Variants in LAPTM4B observed in about 807,000 individuals in gnomAD.
The protein encoded by LAPTM4B is lysosomal-associated transmembrane protein 4B.
A neutral mutation model predicts 28.5 loss-of-function variants in LAPTM4B; 26 were observed. The observed-to-expected ratio is 0.91, with a 90% CI of 0.67 to 1.27. The LOEUF (loss-of-function observed/expected upper bound fraction) is 1.27, where lower values mean the gene tolerates loss of function less well. Ranked by LOEUF, LAPTM4B falls within the 50% of genes most tolerant of loss-of-function variation. LAPTM4B has a pLI of 0.00. For synonymous variants in LAPTM4B, 109 were observed against 106.4 expected (o/e 1.02, Z -0.15); for missense variants, 288 against 285.8 (o/e 1.01, Z -0.06).
chr8:97,777,174 T>C (rs957424114), intron 1 of LAPTM4B, among the ~76,000 whole-genome samples: 48 of 118,230 alleles, frequency 4.1e-4, no homozygotes, highest in Non-Finnish European at 6.5e-4. Flanking sequence ...TGAGACAGAG[T>C]CTCACTCTGT....
At chr8:97,836,994 A>C (rs1455585028) in intron 6 of LAPTM4B, among the ~76,000 whole-genome samples, 1 of 152,066 alleles carries the variant, frequency 6.6e-6, no homozygotes, top group African/African-American at 2.4e-5. Context: ...GGCAAAGGCC[A>C]GATTATCTTC....
chr8:97,836,816 T>C (rs1371850317), intron 6 of LAPTM4B, among the ~76,000 whole-genome samples: 2 of 152,148 alleles, frequency 1.3e-5, no homozygotes, highest in Non-Finnish European at 2.9e-5. Flanking sequence ...TGCAAACTTA[T>C]TGTTTTAACT....
At chr8:97,816,922 A>ATT (rs1816926102) in intron 4 of LAPTM4B, among the ~76,000 whole-genome samples, 4 of 142,128 alleles carry the variant, frequency 2.8e-5, no homozygotes, top group African/African-American at 1.0e-4. Flanking sequence ...CCTGGGCAAT[A>ATT]GAGTGAGATC....
At chr8:97,847,857 A>G (rs1268359127) in intron 6 of LAPTM4B, among the ~76,000 whole-genome samples, 1 of 152,232 alleles carries the variant, frequency 6.6e-6, no homozygotes, top group Non-Finnish European at 1.5e-5. Flanking sequence ...AAAAGTGAAA[A>G]CAAGGGAGGG....
At chr8:97,801,124 C>G (rs974309595) in intron 1 of LAPTM4B, among the ~76,000 whole-genome samples, 46 of 151,922 alleles carry the variant, frequency 3.0e-4, no homozygotes, top group African/African-American at 1.1e-3. Context: ...CTTTAAAACC[C>G]TACCCTGTTA....
At chr8:97,787,663 T>G (rs1434388653) in intron 1 of LAPTM4B, among the ~76,000 whole-genome samples, 1 of 152,186 alleles carries the variant, frequency 6.6e-6, no homozygotes, top group East Asian at 1.9e-4. Flanking sequence ...AGAATACAAG[T>G]CCTTTAACTC....
Position 97,798,875 on chromosome 8 carries a change from A to G in LAPTM4B, c.100-6478A>G, listed in dbSNP as rs1816630414. 2.0e-5 allele frequency among the ~76,000 whole-genome samples: 3 copies of G among 152,350 alleles called. No individual in the cohort carries two copies. The South Asian group carries it at 6.2e-4, about 32-fold the overall frequency. On this transcript the variant is annotated intron_variant, in intron 1 of 6. Coordinates refer to ENST00000521545, the MANE Select transcript of LAPTM4B (RefSeq NM_018407.6). ...TAGAGGCCAGATGGATAAGCTAAAA[A>G]TAGGATTATCTGGACATCCTGCAGT...
At chr8:97,830,407 C>T (rs977352849) in intron 6 of LAPTM4B, among the ~76,000 whole-genome samples, 3 of 151,996 alleles carry the variant, frequency 2.0e-5, no homozygotes, top group East Asian at 1.9e-4. Context: ...ATGTCAGTTA[C>T]AATGGTCCAG....
chr8:97,787,992 C>T (rs1816433890), intron 1 of LAPTM4B, among the ~76,000 whole-genome samples: 1 of 152,066 alleles, frequency 6.6e-6, no homozygotes, highest in Non-Finnish European at 1.5e-5. Context: ...TGCCAACATG[C>T]CCAGCTAATT....
chr8:97,839,519 G>A (rs541628955), intron 6 of LAPTM4B, among the ~76,000 whole-genome samples: 4 of 152,050 alleles, frequency 2.6e-5, no homozygotes, highest in Non-Finnish European at 4.4e-5. Context: ...TAAATGTCCC[G>A]GTCTGCTGGA....
At chr8:97,788,787 C>T (rs930215861) in intron 1 of LAPTM4B, among the ~76,000 whole-genome samples, 3 of 151,796 alleles carry the variant, frequency 2.0e-5, no homozygotes, top group African/African-American at 4.8e-5. Context: ...CTCCACCTCC[C>T]GGGTTCAAGC....
rs776687962 is a variant in LAPTM4B, at chr8:97,775,937, C to CGGCAGGCTCCAGGCGA, written c.-70_-69insAGGCTCCAGGCGAGGC. 3 of 1,451,612 alleles carry CGGCAGGCTCCAGGCGA rather than the reference C, an allele frequency of 2.1e-6. No individual in the cohort carries two copies. The African/African-American group carries it at 4.4e-5, about 21-fold the overall frequency. 89.9% of individuals were successfully genotyped at this position (1,451,612 alleles called of 1,614,324 possible). On this transcript the variant is annotated 5_prime_UTR_variant, in exon 1 of 7. Coordinates refer to ENST00000521545, the MANE Select transcript of LAPTM4B (RefSeq NM_018407.6). ...GGCGGAGGAGCCGGCAGCAGCGGCG[C>CGGCAGGCTCCAGGCGA]GGCGGGCTCCAGGCGAGGCGGTCGA...
At chr8:97,824,703 G>A (rs1006018880) in intron 5 of LAPTM4B, among the ~76,000 whole-genome samples, 1 of 152,122 alleles carries the variant, frequency 6.6e-6, no homozygotes, top group Non-Finnish European at 1.5e-5. Context: ...TAATACATTC[G>A]ATTGTTCTGT....
intron 2 of LAPTM4B, among the ~76,000 whole-genome samples, chr8:97,807,634 C>T (rs12542574): frequency 0.45 from 68,580 of 151,830 alleles, 15,951 homozygotes; most frequent in East Asian, 0.57. Flanking sequence ...ACTGAGATTA[C>T]AGATTTGAGG....
intron 5 of LAPTM4B, among the ~76,000 whole-genome samples, chr8:97,823,358 T>TG (rs1294755792): frequency 2.4e-3 from 92 of 37,604 alleles, no homozygotes; most frequent in African/African-American, 5.7e-3. Context: ...TTTTTTTTGT[T>TG]TTTTTTTTGT....
rs762862910 is a variant in LAPTM4B at position 97,819,220 on chromosome 8, C to T, written c.489C>T (p.Ser163=). ...CLVLIILLFI[S]IILTFKGYLI... is the part of the protein sequence containing the mutation. The stretch of plus-strand genomic sequence containing the variant: ...TCCTTATTATTCTTCTGTTTATTAG[C>T]ATTATCTTGACTTTTAAGGTAAGCA... Residue 163 remains serine, a synonymous_variant, in exon 5 of 7, where the codon AGC becomes AGT. Transcript: ENST00000521545. 6.3e-7 allele frequency: 1 copy of T among 1,589,014 alleles called. No individual in the cohort carries two copies. Among genetic ancestry groups the T allele is most frequent in the South Asian group, 1.1e-5 (1 of 90,034 alleles).
intron 5 of LAPTM4B, among the ~76,000 whole-genome samples, chr8:97,822,326 A>G (rs1385933435): frequency 6.6e-6 from 1 of 151,766 alleles, no homozygotes; most frequent in African/African-American, 2.4e-5. Flanking sequence ...ATTTTTCTAG[A>G]TTTTATAAAT....
chr8:97,826,667 C>T (rs1361697216), intron 6 of LAPTM4B, among the ~76,000 whole-genome samples: 2 of 152,084 alleles, frequency 1.3e-5, no homozygotes, highest in East Asian at 3.9e-4. Context: ...CACCACCACG[C>T]CCGGCTAATT....
chr8:97,835,028 A>G (rs1042455236), intron 6 of LAPTM4B, among the ~76,000 whole-genome samples: 2 of 152,194 alleles, frequency 1.3e-5, no homozygotes, highest in Admixed American at 6.5e-5. Context: ...CTGAGACTCT[A>G]ATGGGGGTTG....
Sources: allele counts gnomAD v4.1 joint callset (sites outside exome capture counted in the v4.1 genomes callset), GRCh38; gene constraint gnomAD v4.1.1; transcripts MANE v1.5; gene names NCBI Gene and HGNC (gene_info 2026-07-23, HGNC 2026-07-21).